Variants in TTBK2 observed in about 807,000 individuals in gnomAD.
TTBK2 encodes the protein tau-tubulin kinase 2.
Under a neutral mutation model 110.8 loss-of-function variants are expected in TTBK2, and 28 were observed. The ratio of observed to expected loss-of-function variants is 0.25; its 90% CI spans 0.19 to 0.35. TTBK2 has a LOEUF of 0.35. Ranked by LOEUF, TTBK2 falls within the 10% of genes least tolerant of loss-of-function variation. The probability of loss-of-function intolerance (pLI) is 1.00; values close to 1 mark genes in which losing one functional copy is unlikely to be tolerated. For missense variants in TTBK2, 1,369 were observed against 1,500.3 expected (o/e 0.91, Z 1.45); for synonymous variants, 532 against 527.3 (o/e 1.01, Z -0.12).
At chr15:42,902,308 G>T (rs957668965) in intron 1 of TTBK2, among the ~76,000 whole-genome samples, 1 of 151,182 alleles carries the variant, frequency 6.6e-6, no homozygotes, top group Admixed American at 6.6e-5. Flanking sequence ...ATCACCTCAG[G>T]TCTGGAGTTT....
At chr15:42,888,861 G>C (rs1368917148) in intron 1 of TTBK2, among the ~76,000 whole-genome samples, 1 of 152,136 alleles carries the variant, frequency 6.6e-6, no homozygotes, top group Non-Finnish European at 1.5e-5. Context: ...GAAGCAGCTA[G>C]CATTCCAACT....
chr15:42,830,275 C>T (rs1247235039), intron 4 of TTBK2, among the ~76,000 whole-genome samples, 197 bp from the exon 5 acceptor site: 3 of 151,934 alleles, frequency 2.0e-5, no homozygotes, highest in Non-Finnish European at 4.4e-5. Context: ...GCAACCTCCA[C>T]CTCCCGGGTT....
intron 3 of TTBK2, among the ~76,000 whole-genome samples, chr15:42,858,407 G>A (rs1894028260): frequency 6.6e-6 from 1 of 152,118 alleles, no homozygotes; most frequent in Non-Finnish European, 1.5e-5. Flanking sequence ...AATGTTGAAG[G>A]GGTAGGATAT....
intron 3 of TTBK2, among the ~76,000 whole-genome samples, chr15:42,862,523 A>G (rs1894199383): frequency 6.6e-6 from 1 of 152,212 alleles, no homozygotes; most frequent in Non-Finnish European, 1.5e-5. Context: ...AAAATTTTTC[A>G]ATAAAATCCA....
intron 10 of TTBK2, among the ~76,000 whole-genome samples, chr15:42,790,346 G>A (rs951601570): frequency 4.0e-5 from 6 of 150,298 alleles, no homozygotes; most frequent in African/African-American, 4.9e-5. Flanking sequence ...GTATAGTGGC[G>A]CGATCTCAGG....
At chr15:42,770,188 A>G (rs1485004282) in intron 13 of TTBK2, among the ~76,000 whole-genome samples, 4 of 152,146 alleles carry the variant, frequency 2.6e-5, no homozygotes, top group Admixed American at 6.5e-5. Context: ...TGGCACATGT[A>G]TACCTATGTA....
At chr15:42,758,129 C>A (rs895406215) in intron 13 of TTBK2, among the ~76,000 whole-genome samples, 1 of 152,210 alleles carries the variant, frequency 6.6e-6, no homozygotes, top group Non-Finnish European at 1.5e-5. Context: ...CTGCGAAATT[C>A]AACATCCATT....
chr15:42,809,063 T>C (rs1034619844), intron 9 of TTBK2, among the ~76,000 whole-genome samples: 2 of 152,226 alleles, frequency 1.3e-5, no homozygotes, highest in African/African-American at 4.8e-5. Flanking sequence ...TGAAACCTGA[T>C]GTCACATTGA....
chr15:42,887,868 C>T (rs891778533), intron 1 of TTBK2, among the ~76,000 whole-genome samples: 1 of 152,162 alleles, frequency 6.6e-6, no homozygotes, highest in Non-Finnish European at 1.5e-5. Context: ...TCCATTACTT[C>T]AGTCAAGCCC....
chr15:42,834,034 A>G (rs543108061), intron 4 of TTBK2, among the ~76,000 whole-genome samples: 6 of 151,888 alleles, frequency 4.0e-5, no homozygotes, highest in African/African-American at 1.4e-4. Context: ...AAAACAAAAC[A>G]AAACAAAATT....
Position 42,901,391 on chromosome 15 carries a change from T to C in TTBK2, c.-68+19047A>G, listed in dbSNP as rs1225391280. Reference sequence around the variant, plus strand: ...AAAAAAAAATTATTAGAGGAAAACATAGGGGTAATGTATTCAGACAATGGA... The same window carrying C: ...AAAAAAAAATTATTAGAGGAAAACACAGGGGTAATGTATTCAGACAATGGA... On this transcript the variant is annotated intron_variant, in intron 1 of 14. Coordinates refer to ENST00000267890, the MANE Select transcript of TTBK2 (RefSeq NM_173500.4). Among the ~76,000 whole-genome samples, 3 of 150,520 alleles carry C rather than the reference T, an allele frequency of 2.0e-5. No homozygotes were observed. In the East Asian group the frequency reaches 5.8e-4, roughly 29 times the overall value.
intron 9 of TTBK2, chr15:42,802,083 C>T: frequency 6.8e-7 from 1 of 1,463,550 alleles, no homozygotes. Flanking sequence ...GCTCCAGGAA[C>T]CGTACCTTGT....
rs745338459 is a variant in TTBK2, at chr15:42,800,986, A to G, written c.823-6185T>C. On this transcript the variant is annotated intron_variant, in intron 9 of 14. Transcript: ENST00000267890. ...CTTCACTTGGGCAGGACGTTGGAGG[A>G]CTCAGACACTAGCTTCCCATCACGG... 3 of 760,302 alleles carry G rather than the reference A, an allele frequency of 3.9e-6. No individual in the cohort carries two copies. In the South Asian group the frequency reaches 4.0e-5, roughly 10 times the overall value. 47.1% of individuals were successfully genotyped at this position (760,302 alleles called of 1,614,324 possible).
chr15:42,744,492 G>C lies in TTBK2; in HGVS notation c.*1303C>G, dbSNP rs2140545816. Reference sequence around the variant, plus strand: ...GTCTTTACAACACAAAACACCTAGAGAGTATAAAAACAGCCCATTTTAAAA... The same window carrying C: ...GTCTTTACAACACAAAACACCTAGACAGTATAAAAACAGCCCATTTTAAAA... On this transcript the variant is annotated 3_prime_UTR_variant, in exon 15 of 15. Transcript: ENST00000267890. The C allele has an allele frequency of 6.6e-6, 1 of 152,290 alleles. No homozygotes were observed. Among genetic ancestry groups the C allele is most frequent in the African/African-American group, 2.4e-5 (1 of 41,538 alleles). 9.4% of individuals were successfully genotyped at this position (152,290 alleles called of 1,614,324 possible). A position where few individuals can be genotyped will look rare whatever the true frequency, so the allele number is the denominator to read the frequency against.
intron 3 of TTBK2, among the ~76,000 whole-genome samples, chr15:42,856,722 GA>G (rs1483723533): frequency 6.6e-6 from 1 of 151,876 alleles, no homozygotes; most frequent in Non-Finnish European, 1.5e-5. Context: ...TTTTTTTTAT[GA>G]AAAAAGAAAA....
chr15:42,799,637 T>C (rs1891093969), intron 9 of TTBK2, among the ~76,000 whole-genome samples: 1 of 152,082 alleles, frequency 6.6e-6, no homozygotes, highest in South Asian at 2.1e-4. Flanking sequence ...GGTTTTGCCA[T>C]GTCGGCCAGG....
intron 9 of TTBK2, among the ~76,000 whole-genome samples, chr15:42,806,621 C>T (rs893303476): frequency 4.6e-5 from 7 of 152,186 alleles, no homozygotes; most frequent in Non-Finnish European, 4.4e-5. Flanking sequence ...CCCATTAGGG[C>T]CCATGCATGT....
chr15:42,895,354 G>T (rs970135612), intron 1 of TTBK2, among the ~76,000 whole-genome samples: 1 of 152,058 alleles, frequency 6.6e-6, no homozygotes, highest in East Asian at 1.9e-4. Context: ...AGGGTACAGG[G>T]TAGGAAGTGG....
chr15:42,880,279 T>C (rs1894989388), intron 1 of TTBK2, among the ~76,000 whole-genome samples: 1 of 152,200 alleles, frequency 6.6e-6, no homozygotes, highest in Non-Finnish European at 1.5e-5. Context: ...CCACAATTCA[T>C]AACCACATTT....
Sources: gnomAD v4.1 joint callset for allele counts (sites outside exome capture counted in the v4.1 genomes callset) on GRCh38, gnomAD v4.1.1 for gene constraint, MANE v1.5 for transcripts, NCBI Gene and HGNC (gene_info 2026-07-23, HGNC 2026-07-21) for gene names.